The following GRK5 variants were observed in gnomAD, a reference collection of about 807,000 sequenced individuals.
The protein encoded by GRK5 is G protein-coupled receptor kinase 5, also known as g protein-coupled receptor kinase GRK5.
In GRK5, 40 loss-of-function variants were observed where a neutral mutation model predicts 78.4. The observed-to-expected ratio is 0.51, with a 90% CI of 0.40 to 0.66. GRK5 has a LOEUF of 0.66. Ranked by LOEUF, GRK5 falls within the 30% of genes least tolerant of loss-of-function variation. The pLI is 0.00. For missense variants in GRK5, 598 were observed against 759.9 expected, an observed-to-expected ratio of 0.79 and a Z score of 2.50; for synonymous variants, 289 against 296.8, an observed-to-expected ratio of 0.97 and a Z score of 0.27.
At chr10:119,423,818 T>C (rs1429154644) in intron 5 of GRK5, among the ~76,000 whole-genome samples, 3 of 150,272 alleles carry the variant, frequency 2.0e-5, no homozygotes, top group Non-Finnish European at 4.4e-5. Context: ...CACACACACA[T>C]ACACACACAC....
intron 9 of GRK5, among the ~76,000 whole-genome samples, chr10:119,437,933 A>G (rs1852955782): frequency 6.6e-6 from 1 of 152,118 alleles, no homozygotes; most frequent in Non-Finnish European, 1.5e-5. Context: ...CCCTGTCTCT[A>G]CTAAAAATAC....
rs1319962333 is a variant in GRK5, at chr10:119,399,159, A to G, written c.339+2387A>G. On this transcript the variant is annotated intron_variant, in intron 4 of 15. Coordinates refer to ENST00000392870, the MANE Select transcript of GRK5 (RefSeq NM_005308.3). ...TACAAGTGCCTCAGAGCCTGCCAGC[A>G]TTTTTTCCCTTAAGTTCTCCTCAAT... 3.9e-5 allele frequency among the ~76,000 whole-genome samples: 6 copies of G among 152,184 alleles called. No individual in the cohort carries two copies. In the East Asian group the frequency reaches 7.7e-4, roughly 20 times the overall value.
rs138847829 is a variant in GRK5 at position 119,254,996 on chromosome 10, G to A, written c.52+47027G>A. Among the ~76,000 whole-genome samples, 643 of 139,136 alleles carry A rather than the reference G, an allele frequency of 4.6e-3. 5 individuals carry two copies. The highest frequency in any genetic ancestry group is 0.016 in the African/African-American group (611 of 37,110). The allele number at this position is 139,136 out of a possible 152,430, so 91.3% of individuals were successfully genotyped here. ...CTTTAACCCAGGAAGCCGAGATTGC[G>A]CCATTGCACTCCAGCCTGGGCGACA... On this transcript the variant is annotated intron_variant, in intron 1 of 15. Coordinates refer to ENST00000392870, the MANE Select transcript of GRK5 (RefSeq NM_005308.3).
chr10:119,254,153 A>C (rs1401642575), intron 1 of GRK5, among the ~76,000 whole-genome samples: 1 of 152,100 alleles, frequency 6.6e-6, no homozygotes, highest in East Asian at 1.9e-4. Context: ...AGCGCCTTTG[A>C]AAAATGCTTT....
intron 1 of GRK5, among the ~76,000 whole-genome samples, chr10:119,312,781 G>A (rs997485835): frequency 7.2e-5 from 11 of 152,264 alleles, no homozygotes; most frequent in Non-Finnish European, 1.5e-4. Flanking sequence ...CTGGGAGTAT[G>A]TGTGTGTATG....
At chr10:119,360,431 CTGTG>C (rs1258935143) in intron 2 of GRK5, among the ~76,000 whole-genome samples, 3 of 152,024 alleles carry the variant, frequency 2.0e-5, no homozygotes, top group South Asian at 2.1e-4. Context: ...TGGGAAGAGT[CTGTG>C]TGAGTGGGAG....
At chr10:119,215,522 A>G (rs1467198444) in intron 1 of GRK5, among the ~76,000 whole-genome samples, 1 of 130,424 alleles carries the variant, frequency 7.7e-6, no homozygotes, top group Non-Finnish European at 1.6e-5. Context: ...TGAGGAAGAG[A>G]CTGAGGAAGG....
rs1853418837 is a variant in GRK5, at chr10:119,457,555, A to G, written c.*2488A>G. The G allele has an allele frequency of 6.6e-6, 1 of 151,974 alleles. No homozygotes were observed. 9.4% of individuals were successfully genotyped at this position (151,974 alleles called of 1,614,324 possible). On this transcript the variant is annotated 3_prime_UTR_variant, in exon 16 of 16. Transcript: ENST00000392870. ...GCCTCCTGTTCCTTCTGGCTCATGC[A>G]TTGCTTTGTGGTAAGAGAAAGGAAG...
intron 1 of GRK5, among the ~76,000 whole-genome samples, chr10:119,290,660 T>C (rs866516991): frequency 2.0e-5 from 3 of 151,924 alleles, no homozygotes; most frequent in Middle Eastern, 3.2e-3. Flanking sequence ...GCTTAGAATG[T>C]TGTCCTGTCC....
intron 2 of GRK5, among the ~76,000 whole-genome samples, chr10:119,367,957 C>T (rs905792953): frequency 6.6e-6 from 1 of 152,242 alleles, no homozygotes; most frequent in Non-Finnish European, 1.5e-5. Flanking sequence ...AGAAGCCAGG[C>T]GCCTCGGCAG....
intron 1 of GRK5, among the ~76,000 whole-genome samples, chr10:119,249,781 G>A (rs780242922): frequency 7.9e-5 from 12 of 152,220 alleles, no homozygotes; most frequent in African/African-American, 1.2e-4. Flanking sequence ...GATTATAGGC[G>A]TGAGCCACTG....
chr10:119,252,659 G>A (rs1481994097), intron 1 of GRK5, among the ~76,000 whole-genome samples: 3 of 152,174 alleles, frequency 2.0e-5, no homozygotes, highest in Non-Finnish European at 2.9e-5. Flanking sequence ...TTTTTCTCCT[G>A]ATTTGTAGAA....
rs146425248 is a variant in GRK5 at position 119,444,380 on chromosome 10, G to A, written c.1266+628G>A. Among the ~76,000 whole-genome samples, 472 of 152,246 alleles carry A rather than the reference G, an allele frequency of 3.1e-3. 1 individual carries two copies. Among genetic ancestry groups the A allele is most frequent in the African/African-American group, 0.011 (459 of 41,538 alleles). On this transcript the variant is annotated intron_variant, in intron 12 of 15. Coordinates refer to ENST00000392870, the MANE Select transcript of GRK5 (RefSeq NM_005308.3). ...CAGATAAGGAGTGACAGGAGCCATT[G>A]GAAGTGGGGGATATGGGAGTGGAGT... is the stretch of plus-strand genomic sequence containing the variant.
intron 3 of GRK5, among the ~76,000 whole-genome samples, chr10:119,389,936 C>G (rs1851861874): frequency 6.6e-6 from 1 of 152,174 alleles, no homozygotes; most frequent in African/African-American, 2.4e-5. Flanking sequence ...TTTGTTTGTT[C>G]AGCTCATCCT....
At chr10:119,408,294 A>G (rs887954942) in intron 4 of GRK5, among the ~76,000 whole-genome samples, 1 of 138,092 alleles carries the variant, frequency 7.2e-6, no homozygotes, top group African/African-American at 2.7e-5. Flanking sequence ...GTGAGCTATG[A>G]TTGCACCACT....
chr10:119,230,968 T>A (rs1182062199), intron 1 of GRK5, among the ~76,000 whole-genome samples: 1 of 150,598 alleles, frequency 6.6e-6, no homozygotes. Flanking sequence ...GGAAGTATTG[T>A]GGGGGCTTCC....
intron 4 of GRK5, among the ~76,000 whole-genome samples, chr10:119,411,865 T>TTTTTTTTTTTG (rs1852345619): frequency 9.2e-6 from 1 of 108,192 alleles, no homozygotes; most frequent in Non-Finnish European, 1.9e-5. Context: ...TTTTTTTTTT[T>TTTTTTTTTTTG]TTTGAGATAG....
intron 1 of GRK5, among the ~76,000 whole-genome samples, chr10:119,287,816 C>T (rs1197964951): frequency 6.6e-6 from 1 of 152,192 alleles, no homozygotes; most frequent in Non-Finnish European, 1.5e-5. Context: ...GCAAGGCTGG[C>T]ACAGTCATCT....
rs865783105 is a variant in GRK5, at chr10:119,242,105, T to C, written c.52+34136T>C. Among the ~76,000 whole-genome samples, 6 of 152,142 alleles carry C rather than the reference T, an allele frequency of 3.9e-5. No individual in the cohort carries two copies. In the South Asian group the frequency reaches 1.0e-3, roughly 26 times the overall value. ...TTACAAGTAGAAATTTATGCCCTGC[T>C]TTTAGGCAGAAGAAGGGCAGAGAGC... On this transcript the variant is annotated intron_variant, in intron 1 of 15. Coordinates refer to ENST00000392870, the MANE Select transcript of GRK5 (RefSeq NM_005308.3).
Sources: gnomAD v4.1 joint callset for allele counts (sites outside exome capture counted in the v4.1 genomes callset) on GRCh38, gnomAD v4.1.1 for gene constraint, MANE v1.5 for transcripts, NCBI Gene and HGNC (gene_info 2026-07-23, HGNC 2026-07-21) for gene names.